The following TRIM17 variants were observed in gnomAD, a reference collection of about 807,000 sequenced individuals.
The protein encoded by TRIM17 is tripartite motif containing 17.
A neutral mutation model predicts 35.8 loss-of-function variants in TRIM17; 27 were observed. The ratio of observed to expected loss-of-function variants is 0.75; its 90% CI spans 0.56 to 1.04. The LOEUF (loss-of-function observed/expected upper bound fraction) is 1.04. Ranked by LOEUF, TRIM17 falls within the 50% of genes least tolerant of loss-of-function variation. The pLI is 0.00. For missense variants in TRIM17, 582 were observed against 612.8 expected (o/e 0.95, Z 0.53); for synonymous variants, 246 against 252.6 (o/e 0.97, Z 0.25).
At position 228,410,475 on chromosome 1, in the gene TRIM17, A is replaced by G. The variant is rs746176300; in HGVS notation, c.756+471T>C. ...CCACACCTGGCTGCCAGGTGTCCCAAGCCACCTCTCTGGACTTGGAAGGAA... is the reference window on the plus strand; with the variant it reads ...CCACACCTGGCTGCCAGGTGTCCCAGGCCACCTCTCTGGACTTGGAAGGAA... On this transcript the variant is annotated intron_variant, in intron 4 of 6. Transcript: ENST00000366698. This position sits in a 1 kb window ranked among gnomAD's most constrained non-coding sequence, Gnocchi z 4.6. Among the ~76,000 whole-genome samples the G allele has an allele frequency of 1.3e-5, 2 of 151,620 alleles. No homozygotes were observed. Among genetic ancestry groups the G allele is most frequent in the Non-Finnish European group, 2.9e-5 (2 of 67,938 alleles).
Position 228,416,652 on chromosome 1 carries a change from TG to T in TRIM17, c.-156del. The T allele has an allele frequency of 1.1e-6, 1 of 889,758 alleles. No individual in the cohort carries two copies. Among genetic ancestry groups the T allele is most frequent in the Middle Eastern group, 5.8e-4 (1 of 1,732 alleles). The allele number at this position is 889,758 out of a possible 1,614,324, so 55.1% of individuals were successfully genotyped here. The stretch of plus-strand genomic sequence containing the variant: ...GGAGGCTGCGGCCCGGCCCGGGGCG[TG>T]GGGACCTGGGGTCGGGAGGCCTAGG... On this transcript the variant is annotated 5_prime_UTR_variant, in exon 1 of 7. Coordinates refer to ENST00000366698, the MANE Select transcript of TRIM17 (RefSeq NM_016102.4).
intron 1 of TRIM17, chr1:228,415,785 A>G (rs1173636323): frequency 6.6e-6 from 1 of 152,374 alleles, no homozygotes; most frequent in Non-Finnish European, 1.5e-5. Flanking sequence ...ACACATACCC[A>G]TGTATGTATA....
chr1:228,414,623 C>A, intron 2 of TRIM17, 21 bp downstream of exon 2: 1 of 1,597,600 alleles, frequency 6.3e-7, no homozygotes, highest in South Asian at 1.1e-5. Flanking sequence ...GCCCCTTGAC[C>A]TGGGCCCCGA....
Position 228,408,757 on chromosome 1 carries a change from G to A in TRIM17, c.884-6C>T. 2 of 1,597,386 alleles carry A rather than the reference G, an allele frequency of 1.3e-6. No homozygotes were observed. Among genetic ancestry groups the A allele is most frequent in the Non-Finnish European group, 1.7e-6 (2 of 1,178,064 alleles). ...GGCATCAGGCACCACATCCTCTGTA[G>A]ATGGGCGTGGTGGTGGAGAGATGGG... On this transcript the variant is annotated splice_polypyrimidine_tract_variant and splice_region_variant and intron_variant, in intron 6 of 6. Transcript: ENST00000366698. The surrounding 1 kb of genome is among the most constrained non-coding windows in gnomAD (Gnocchi z 6.3).
rs1486434634 is a variant in TRIM17, at chr1:228,411,486, T to TTTTTG, written c.526-315_526-311dup. Among the ~76,000 whole-genome samples, 2 of 152,170 alleles carry TTTTTG rather than the reference T, an allele frequency of 1.3e-5. No homozygotes were observed. The highest frequency in any genetic ancestry group is 6.5e-5 in the Admixed American group (1 of 15,284). ...AACAAAATTTATGGGTGGCCATTGT[T>TTTTTG]TTTTGTTTTGTTTTGTTTGAGACAG... On this transcript the variant is annotated intron_variant, in intron 3 of 6. Coordinates refer to ENST00000366698, the MANE Select transcript of TRIM17 (RefSeq NM_016102.4). This position sits in a 1 kb window ranked among gnomAD's most constrained non-coding sequence, Gnocchi z 4.2.
Position 228,415,123 on chromosome 1 carries a change from G to A in TRIM17, c.-41-10C>T. ...TCCCGCTTGAGGGACTCTGGAGAGAGTTGGAGGGAGCAGCCCGATGATCTG... is the reference window on the plus strand; with the variant it reads ...TCCCGCTTGAGGGACTCTGGAGAGAATTGGAGGGAGCAGCCCGATGATCTG... On this transcript the variant is annotated splice_polypyrimidine_tract_variant and intron_variant, in intron 1 of 6. Coordinates refer to ENST00000366698, the MANE Select transcript of TRIM17 (RefSeq NM_016102.4). 6.5e-7 allele frequency: 1 copy of A among 1,548,282 alleles called. No individual in the cohort carries two copies. The highest frequency in any genetic ancestry group is 8.7e-7 in the Non-Finnish European group (1 of 1,145,954).
At chr1:228,413,272 G>A (rs1233120703) in intron 3 of TRIM17, among the ~76,000 whole-genome samples, 2 of 150,942 alleles carry the variant, frequency 1.3e-5, no homozygotes, top group African/African-American at 4.9e-5. Flanking sequence ...CAGTGGTCAA[G>A]GCATCTATAC....
Position 228,409,217 on chromosome 1 carries a change from C to G in TRIM17, c.838G>C (p.Val280Leu), listed in dbSNP as rs1656636258. 3 of 1,613,948 alleles carry G rather than the reference C, an allele frequency of 1.9e-6. No homozygotes were observed. In the South Asian group the frequency reaches 3.3e-5, roughly 18 times the overall value. The part of the protein sequence containing the change: ...EVAPPTRPRT[V>L]CRVPGQIEVL... ...TCAATCTGTCCGGGAACTCTGCACACAGTCCTGGGTCTGGTTGGGGGGGCA... is the reference window on the plus strand; with the variant it reads ...TCAATCTGTCCGGGAACTCTGCACAGAGTCCTGGGTCTGGTTGGGGGGGCA... Residue 280 changes from valine to leucine, a missense_variant, in exon 6 of 7, where the codon GTG (valine) becomes CTG (leucine). Transcript: ENST00000366698.
At chr1:228,409,935 A>T (rs1656686488) in intron 4 of TRIM17, among the ~76,000 whole-genome samples, 1 of 151,962 alleles carries the variant, frequency 6.6e-6, no homozygotes. Flanking sequence ...CCATATTTCT[A>T]GTTGCCAGAG....
rs374897717 is a variant in TRIM17, at chr1:228,408,555, G to A, written c.1080C>T (p.Thr360=). ...RHYWEVGMNI[T]GDALWALGVC... is the part of the protein sequence containing the mutation. ...CACCCAGGGCCCACAACGCGTCCCC[G>A]GTGATGTTCATGCCCACCTCCCAGT... The change falls in exon 7 of 7, where the codon ACC becomes ACT. Residue 360 remains threonine (T), a synonymous_variant. Transcript: ENST00000366698. The surrounding 1 kb of genome is among the most constrained non-coding windows in gnomAD (Gnocchi z 6.3). 1.4e-5 allele frequency: 23 copies of A among 1,613,960 alleles called. No individual in the cohort carries two copies. The South Asian group carries it at 1.4e-4, about 10-fold the overall frequency.
Position 228,416,830 on chromosome 1 carries a change from C to G in TRIM17, c.-333G>C, listed in dbSNP as rs1657172856. 7 of 981,394 alleles carry G rather than the reference C, an allele frequency of 7.1e-6. No individual in the cohort carries two copies. Among genetic ancestry groups the G allele is most frequent in the Non-Finnish European group, 8.4e-6 (7 of 829,244 alleles). The allele number at this position is 981,394 out of a possible 1,614,324, so 60.8% of individuals were successfully genotyped here. ...GCGGCAGGGGGTGGAAGGCTCTGGA[C>G]GAGCCGGGGACAGGCGCAGCGGGTG... On this transcript the variant is annotated 5_prime_UTR_variant, in exon 1 of 7. Coordinates refer to ENST00000366698, the MANE Select transcript of TRIM17 (RefSeq NM_016102.4).
At chr1:228,409,150 C>T (rs1377293883) in intron 6 of TRIM17, 22 bp downstream of exon 6, 1 of 1,613,960 alleles carries the variant, frequency 6.2e-7, no homozygotes, top group Non-Finnish European at 8.5e-7. Context: ...GTCAGAGGTC[C>T]TGGCCCTGGG....
rs60640636 is a variant in TRIM17, at chr1:228,414,863, C to T, written c.210G>A (p.Pro70=). 33,738 of 1,613,562 alleles carry T rather than the reference C, an allele frequency of 0.021. 1,118 individuals are homozygous for T. The highest frequency in any genetic ancestry group is 0.14 in the African/African-American group (10,679 of 75,034). Residue 70 remains proline, a synonymous_variant, in exon 2 of 7, where the codon CCG becomes CCA. Transcript: ENST00000366698. ...GCCGGTTGGGCAGCAGGTTCCTCTG[C>T]GGGGACATCTCTCTGCACTCGGGGC... The part of the protein sequence containing the change: ...FPCPECREMS[P]QRNLLPNRLL...
rs1287976225 is a variant in TRIM17 at position 228,411,858 on chromosome 1, G to A, written c.526-682C>T. ...ATGTTGCCCAGGCTGGGGTTCAGTGGCATGATCATGGTTCACTGCTGTCTC... is the reference window on the plus strand; with the variant it reads ...ATGTTGCCCAGGCTGGGGTTCAGTGACATGATCATGGTTCACTGCTGTCTC... On this transcript the variant is annotated intron_variant, in intron 3 of 6. Coordinates refer to ENST00000366698, the MANE Select transcript of TRIM17 (RefSeq NM_016102.4). The surrounding 1 kb of genome is among the most constrained non-coding windows in gnomAD (Gnocchi z 4.2). Among the ~76,000 whole-genome samples, 1 of 152,118 alleles carries A rather than the reference G, an allele frequency of 6.6e-6. No individual in the cohort carries two copies. Among genetic ancestry groups the A allele is most frequent in the East Asian group, 1.9e-4 (1 of 5,184 alleles).
chr1:228,411,292 T>C lies in TRIM17; in HGVS notation c.526-116A>G. ...AGATCACCAGCAACTGGAGCTTTAG[T>C]TGGGGACCAGGAACTGTGACAGAGG... is the stretch of plus-strand genomic sequence containing the variant. On this transcript the variant is annotated intron_variant, in intron 3 of 6. Transcript: ENST00000366698. This position sits in a 1 kb window ranked among gnomAD's most constrained non-coding sequence, Gnocchi z 4.2. 1 of 821,672 alleles carries C rather than the reference T, an allele frequency of 1.2e-6. No individual in the cohort carries two copies. The highest frequency in any genetic ancestry group is 1.8e-5 in the South Asian group (1 of 56,550). The allele number at this position is 821,672 out of a possible 1,614,324, so 50.9% of individuals were successfully genotyped here. A position where few individuals can be genotyped will look rare whatever the true frequency, so the allele number is the denominator to read the frequency against.
chr1:228,414,581 G>A, intron 2 of TRIM17, 63 bp downstream of exon 2: 1 of 1,438,876 alleles, frequency 6.9e-7, no homozygotes. Flanking sequence ...CATGATCTGG[G>A]TCACCTTGTC....
rs1319098954 is a variant in TRIM17 at position 228,408,337 on chromosome 1, C to A, written c.1298G>T (p.Ser433Ile). 1.9e-6 allele frequency: 3 copies of A among 1,613,982 alleles called. No homozygotes were observed. The highest frequency in any genetic ancestry group is 1.7e-5 in the Admixed American group (1 of 60,018). ...DFEAGEVSFYSVSDGSHLHTY... is the reference protein window; with the variant it reads ...DFEAGEVSFYIVSDGSHLHTY... The stretch of plus-strand genomic sequence containing the variant: ...GTGCAGGTGGGACCCATCGCTTACA[C>A]TGTAGAAGGACACTTCCCCGGCTTC... Residue 433 changes from serine (S) to isoleucine (I), a missense_variant, in exon 7 of 7, where the codon AGT (serine) becomes ATT (isoleucine). Ser to Ile is a moderately radical substitution (Grantham distance 142, BLOSUM62 -2). Coordinates refer to ENST00000366698, the MANE Select transcript of TRIM17 (RefSeq NM_016102.4). The surrounding 1 kb of genome is among the most constrained non-coding windows in gnomAD (Gnocchi z 6.3).
At chr1:228,414,411 AGAG>A (rs1656965321) in intron 2 of TRIM17, among the ~76,000 whole-genome samples, 1 of 152,214 alleles carries the variant, frequency 6.6e-6, no homozygotes, top group Non-Finnish European at 1.5e-5. Context: ...AAATACTCTG[AGAG>A]GAGAGGTAAG....
In TRIM17 at chr1:228,410,847, GC is replaced by G; in HGVS notation, c.756+98del. The G allele has an allele frequency of 2.4e-6, 2 of 848,466 alleles. No homozygotes were observed. Among genetic ancestry groups the G allele is most frequent in the Non-Finnish European group, 3.5e-6 (2 of 567,674 alleles). The allele number at this position is 848,466 out of a possible 1,614,324, so 52.6% of individuals were successfully genotyped here. A position where few individuals can be genotyped will look rare whatever the true frequency, so the allele number is the denominator to read the frequency against. ...AGGACTAGCAGACTGGGAGCTAACAGCCCTTTCCCGTTGGCTGCCTCTTCCC... is the reference window on the plus strand; with the variant it reads ...AGGACTAGCAGACTGGGAGCTAACAGCCTTTCCCGTTGGCTGCCTCTTCCC... On this transcript the variant is annotated intron_variant, in intron 4 of 6. Transcript: ENST00000366698. The surrounding 1 kb of genome is among the most constrained non-coding windows in gnomAD (Gnocchi z 4.6).
Sources: allele counts gnomAD v4.1 joint callset (sites outside exome capture counted in the v4.1 genomes callset), GRCh38; gene constraint gnomAD v4.1.1; non-coding constraint Gnocchi (gnomAD v3.1); transcripts MANE v1.5; gene names NCBI Gene and HGNC (gene_info 2026-07-23, HGNC 2026-07-21).